Variants in SAAL1 observed in about 807,000 individuals in gnomAD.
The protein encoded by SAAL1 is serum amyloid A like 1, also known as protein SAAL1.
Under a neutral mutation model 59.8 loss-of-function variants are expected in SAAL1, and 42 were observed. That is an observed-to-expected ratio of 0.70 (90% confidence interval 0.55 to 0.91). SAAL1 has a LOEUF of 0.91. Ranked by LOEUF, SAAL1 falls within the 40% of genes least tolerant of loss-of-function variation. The pLI, the probability that SAAL1 is intolerant of heterozygous loss-of-function variation, is 0.00. For missense variants in SAAL1, 542 were observed against 561.1 expected (o/e 0.97, Z 0.34); for synonymous variants, 191 against 194.3 (o/e 0.98, Z 0.14).
rs1327162086 is a variant in SAAL1, at chr11:18,106,054, T to C, written c.-13A>G. 1.3e-6 allele frequency: 2 copies of C among 1,594,972 alleles called. No homozygotes were observed. Among genetic ancestry groups the C allele is most frequent in the Non-Finnish European group, 1.7e-6 (2 of 1,176,124 alleles). ...GGTTGCGGTCCATGACTTTGTCGCG[T>C]CCCGCGCTTGAAGGCCGTGCCGGAA... On this transcript the variant is annotated 5_prime_UTR_variant, in exon 1 of 12. Coordinates refer to ENST00000524803, the MANE Select transcript of SAAL1 (RefSeq NM_138421.3).
intron 7 of SAAL1, among the ~76,000 whole-genome samples, chr11:18,088,679 A>G (rs1009468548): frequency 2.6e-5 from 4 of 152,224 alleles, no homozygotes; most frequent in Admixed American, 6.5e-5. Flanking sequence ...TTTCTTCTAC[A>G]TTATCCAAAT....
intron 1 of SAAL1, 139 bp downstream of exon 1, chr11:18,105,768 G>A: frequency 1.8e-6 from 2 of 1,140,784 alleles, no homozygotes; most frequent in Non-Finnish European, 1.2e-6. Flanking sequence ...GAAACGCAAG[G>A]AGCAAGGTCC....
At chr11:18,080,694 CTT>C (rs972569877) in intron 11 of SAAL1, among the ~76,000 whole-genome samples, 1 of 152,158 alleles carries the variant, frequency 6.6e-6, no homozygotes, top group African/African-American at 2.4e-5. Flanking sequence ...CCGTTTTACT[CTT>C]GAGCTAGTAC....
At chr11:18,104,456 AC>A (rs1423974777) in intron 1 of SAAL1, among the ~76,000 whole-genome samples, 1 of 148,176 alleles carries the variant, frequency 6.7e-6, no homozygotes. Context: ...TTTTTTTTTA[AC>A]TTTTAGGATC....
At chr11:18,088,045 A>G (rs1205239160) in intron 7 of SAAL1, among the ~76,000 whole-genome samples, 1 of 152,196 alleles carries the variant, frequency 6.6e-6, no homozygotes, top group African/African-American at 2.4e-5. Context: ...TTTACACAGA[A>G]ACATGAAGGG....
intron 9 of SAAL1, among the ~76,000 whole-genome samples, chr11:18,085,296 C>T (rs908724533): frequency 6.6e-6 from 1 of 152,204 alleles, no homozygotes; most frequent in Admixed American, 6.5e-5. Flanking sequence ...ATTACTGGAA[C>T]GACTACTAAA....
chr11:18,096,095 A>C (rs1266272881), intron 3 of SAAL1, among the ~76,000 whole-genome samples: 1 of 152,166 alleles, frequency 6.6e-6, no homozygotes, highest in Non-Finnish European at 1.5e-5. Context: ...GTCAGTAAAA[A>C]AGAGAAATCA....
At chr11:18,085,392 G>C (rs142680118) in intron 9 of SAAL1, among the ~76,000 whole-genome samples, 3 of 152,066 alleles carry the variant, frequency 2.0e-5, no homozygotes, top group Admixed American at 2.0e-4. Flanking sequence ...ATAATAATCA[G>C]TGGAAGAAAA....
At position 18,096,778 on chromosome 11, in the gene SAAL1, C is replaced by T. The variant is rs770283861; in HGVS notation, c.326G>A (p.Arg109Gln). The T allele has an allele frequency of 2.6e-6, 4 of 1,528,800 alleles. No homozygotes were observed. The highest frequency in any genetic ancestry group is 1.4e-5 in the African/African-American group (1 of 72,992). 94.7% of individuals were successfully genotyped at this position (1,528,800 alleles called of 1,614,324 possible). ...AGAAATGTACATACTTACTCTTAAT[C>T]GAGGACACTTGGACTTGGCCAGTAC... Reference protein sequence around the residue: ...MGVLAKSKCPRLREICVGILG... With the variant: ...MGVLAKSKCPQLREICVGILG... The change falls in exon 3 of 12, where the codon CGA becomes CAA. Residue 109 changes from arginine (R) to glutamine (Q), a missense_variant. Coordinates refer to ENST00000524803, the MANE Select transcript of SAAL1 (RefSeq NM_138421.3).
At chr11:18,100,136 C>A (rs957195019) in intron 2 of SAAL1, among the ~76,000 whole-genome samples, 2 of 152,178 alleles carry the variant, frequency 1.3e-5, no homozygotes, top group Non-Finnish European at 2.9e-5. Flanking sequence ...ATTTGTTTAA[C>A]CATAATTTAT....
chr11:18,080,297 G>A lies in SAAL1; in HGVS notation c.*102C>T, dbSNP rs1590281072. On this transcript the variant is annotated 3_prime_UTR_variant, in exon 12 of 12. Transcript: ENST00000524803. ...AAAATGTTAACACCAGACAATTATG[G>A]TCTAATATGGGCTTTAGTTAATATT... 1 of 732,958 alleles carries A rather than the reference G, an allele frequency of 1.4e-6. No individual in the cohort carries two copies. The highest frequency in any genetic ancestry group is 2.9e-5 in the East Asian group (1 of 34,880). 45.4% of individuals were successfully genotyped at this position (732,958 alleles called of 1,614,324 possible). A position where few individuals can be genotyped will look rare whatever the true frequency, so the allele number is the denominator to read the frequency against.
intron 9 of SAAL1, among the ~76,000 whole-genome samples, chr11:18,085,735 C>A (rs1317234510): frequency 2.0e-5 from 3 of 152,124 alleles, no homozygotes; most frequent in African/African-American, 4.8e-5. Context: ...AGCAATGGAA[C>A]TGAACAGAAT....
intron 9 of SAAL1, among the ~76,000 whole-genome samples, chr11:18,085,800 G>T (rs2134055823): frequency 6.6e-6 from 1 of 152,192 alleles, no homozygotes; most frequent in Non-Finnish European, 1.5e-5. Flanking sequence ...TGGGTAAGCT[G>T]GATTATTCAC....
intron 2 of SAAL1, among the ~76,000 whole-genome samples, chr11:18,102,764 A>G (rs901932428): frequency 1.3e-5 from 2 of 152,240 alleles, no homozygotes; most frequent in Admixed American, 6.5e-5. Context: ...AAGATCAAAT[A>G]GAATACTATA....
At position 18,105,896 on chromosome 11, in the gene SAAL1, A is replaced by C. The variant is rs749070840; in HGVS notation, c.135+11T>G. On this transcript the variant is annotated intron_variant, in intron 1 of 11. Transcript: ENST00000524803. Reference sequence around the variant, plus strand: ...GTAGGGACACCCCACGCGTGGCGCGAGTTTCCACACCTGGATGAGTCCGCT... The same window carrying C: ...GTAGGGACACCCCACGCGTGGCGCGCGTTTCCACACCTGGATGAGTCCGCT... The C allele has an allele frequency of 6.3e-7, 1 of 1,589,250 alleles. No individual in the cohort carries two copies. Among genetic ancestry groups the C allele is most frequent in the South Asian group, 1.1e-5 (1 of 87,320 alleles).
chr11:18,090,055 C>T, intron 6 of SAAL1, 120 bp downstream of exon 6: 1 of 951,258 alleles, frequency 1.1e-6, no homozygotes, highest in Non-Finnish European at 1.5e-6. Context: ...CTCAAACAAA[C>T]TTCATTACCT....
rs142994589 is a variant in SAAL1 at position 18,096,329 on chromosome 11, C to T, written c.333+442G>A. Among the ~76,000 whole-genome samples, 41 of 151,908 alleles carry T rather than the reference C, an allele frequency of 2.7e-4. No individual in the cohort carries two copies. In the East Asian group the frequency reaches 7.9e-3, roughly 29 times the overall value. On this transcript the variant is annotated intron_variant, in intron 3 of 11. Coordinates refer to ENST00000524803, the MANE Select transcript of SAAL1 (RefSeq NM_138421.3). ...GGCATTTAGCTCACGCTTATAATCC[C>T]AGCACTTTGGGAGGCCAAGGTGGGA...
chr11:18,103,571 A>C (rs549590812), intron 1 of SAAL1, among the ~76,000 whole-genome samples: 94 of 152,244 alleles, frequency 6.2e-4, no homozygotes, highest in African/African-American at 2.2e-3. Context: ...CCAAATTTGC[A>C]CATTAGCACA....
chr11:18,096,040 G>A (rs1848572306), intron 3 of SAAL1, among the ~76,000 whole-genome samples: 1 of 152,164 alleles, frequency 6.6e-6, no homozygotes, highest in South Asian at 2.1e-4. Context: ...GAGGTCTTAA[G>A]CAGCAGGCTG....
Sources: allele counts gnomAD v4.1 joint callset (sites outside exome capture counted in the v4.1 genomes callset), GRCh38; gene constraint gnomAD v4.1.1; transcripts MANE v1.5; gene names NCBI Gene and HGNC (gene_info 2026-07-23, HGNC 2026-07-21).